The following SNX31 variants were observed in gnomAD, a reference collection of about 807,000 sequenced individuals.
SNX31 encodes sorting nexin-31.
SNX31 carries 58 observed loss-of-function variants against 65.4 expected under a neutral mutation model. That is an observed-to-expected ratio of 0.89 (90% CI 0.72 to 1.10). The LOEUF (loss-of-function observed/expected upper bound fraction) is 1.10. Ranked by LOEUF, SNX31 falls within the 50% of genes least tolerant of loss-of-function variation. The pLI, the probability that SNX31 is intolerant of heterozygous loss-of-function variation, is 0.00. For synonymous variants in SNX31, 181 were observed against 190.1 expected, an observed-to-expected ratio of 0.95 and a Z score of 0.39; for missense variants, 523 against 529.7, an observed-to-expected ratio of 0.99 and a Z score of 0.12.
chr8:100,637,967 A>C (rs1818895152), intron 2 of SNX31, among the ~76,000 whole-genome samples: 1 of 152,202 alleles, frequency 6.6e-6, no homozygotes, highest in African/African-American at 2.4e-5. Context: ...AAGTGCTGGG[A>C]TTACAGGTGT....
At chr8:100,611,934 G>T in intron 7 of SNX31, 66 bp downstream of exon 7, 1 of 1,229,050 alleles carries the variant, frequency 8.1e-7, no homozygotes, top group South Asian at 1.2e-5. Flanking sequence ...ACGGGACTCT[G>T]GTAAGTCCTG....
In SNX31 at chr8:100,578,265, T is replaced by C. The variant is rs1008011925; in HGVS notation, c.1171-1190A>G. The stretch of plus-strand genomic sequence containing the variant: ...TTTGGGGAAAGAGTTCTTAGACTCT[T>C]CTTAATGGGAAAGAAAAGAACTGCT... On this transcript the variant is annotated intron_variant, in intron 12 of 13. Transcript: ENST00000311812. This position sits in a 1 kb window ranked among gnomAD's most constrained non-coding sequence, Gnocchi z 4.7. 6.6e-6 allele frequency among the ~76,000 whole-genome samples: 1 copy of C among 152,190 alleles called. No homozygotes were observed. Among genetic ancestry groups the C allele is most frequent in the African/African-American group, 2.4e-5 (1 of 41,434 alleles).
chr8:100,608,117 T>G (rs1732554364), intron 8 of SNX31, among the ~76,000 whole-genome samples: 2 of 152,246 alleles, frequency 1.3e-5, no homozygotes, highest in Non-Finnish European at 1.5e-5. Context: ...GAATTCCTTT[T>G]CTCTCTCTAA....
intron 5 of SNX31, among the ~76,000 whole-genome samples, chr8:100,616,857 G>C (rs1479614548): frequency 6.6e-6 from 1 of 152,212 alleles, no homozygotes; most frequent in Non-Finnish European, 1.5e-5. Flanking sequence ...TCTGTCCTTT[G>C]AAAGGTCCTA....
At chr8:100,646,100 C>T (rs1191927524) in intron 2 of SNX31, among the ~76,000 whole-genome samples, 1 of 152,130 alleles carries the variant, frequency 6.6e-6, no homozygotes, top group African/African-American at 2.4e-5. Flanking sequence ...TAAACTTCCC[C>T]TTCATCCTCT....
At chr8:100,584,033 T>C (rs1232303911) in intron 12 of SNX31, 78 bp downstream of exon 12, 2 of 1,317,306 alleles carry the variant, frequency 1.5e-6, no homozygotes, top group Non-Finnish European at 2.1e-6. Flanking sequence ...AGGGAGCTCA[T>C]GAGTGTAGTT....
At chr8:100,632,241 A>G (rs1016447087) in intron 3 of SNX31, among the ~76,000 whole-genome samples, 2 of 152,178 alleles carry the variant, frequency 1.3e-5, no homozygotes, top group Admixed American at 6.5e-5. Flanking sequence ...GCGAACCCTC[A>G]AGCACGGTGA....
At chr8:100,587,869 A>G (rs937440400) in intron 11 of SNX31, among the ~76,000 whole-genome samples, 1 of 152,214 alleles carries the variant, frequency 6.6e-6, no homozygotes, top group Admixed American at 6.5e-5. Flanking sequence ...TGATGGGGGT[A>G]TGTTCTGAGA....
chr8:100,581,352 T>TATATATAG (rs1180603892), intron 12 of SNX31, among the ~76,000 whole-genome samples: 3 of 147,562 alleles, frequency 2.0e-5, no homozygotes, highest in African/African-American at 7.5e-5. Flanking sequence ...TATATATATA[T>TATATATAG]ATATAATTTA....
rs531721185 is a variant in SNX31, at chr8:100,587,629, C to T, written c.1092+1237G>A. Among the ~76,000 whole-genome samples the T allele has an allele frequency of 7.2e-5, 11 of 152,208 alleles. 1 individual carries two copies. The Middle Eastern group carries it at 0.017, about 235-fold the overall frequency. On this transcript the variant is annotated intron_variant, in intron 11 of 13. Coordinates refer to ENST00000311812, the MANE Select transcript of SNX31 (RefSeq NM_152628.4). ...CAGAGTCAGGAATGATGGTGATGCCCGACAACCACAGATGGTCCACATGGG... is the reference window on the plus strand; with the variant it reads ...CAGAGTCAGGAATGATGGTGATGCCTGACAACCACAGATGGTCCACATGGG...
intron 12 of SNX31, among the ~76,000 whole-genome samples, chr8:100,579,691 G>GA (rs1813328662): frequency 6.6e-6 from 1 of 152,140 alleles, no homozygotes; most frequent in South Asian, 2.1e-4. Context: ...AGAATGGAGG[G>GA]AAAAATACAT....
At chr8:100,662,597 T>G (rs1307251397) in intron 1 of SNX31, among the ~76,000 whole-genome samples, 1 of 152,184 alleles carries the variant, frequency 6.6e-6, no homozygotes, top group Non-Finnish European at 1.5e-5. Context: ...CCTGGGAGGC[T>G]GAGGCAGGAG....
At position 100,608,492 on chromosome 8, in the gene SNX31, A is replaced by AC; in HGVS notation, c.681+1dup. 6.2e-7 allele frequency: 1 copy of AC among 1,613,908 alleles called. No homozygotes were observed. The highest frequency in any genetic ancestry group is 1.1e-5 in the South Asian group (1 of 91,076). On this transcript the variant is annotated splice_donor_variant, in intron 8 of 13. Transcript: ENST00000311812. LOFTEE classifies it high-confidence loss of function. Reference sequence around the variant, plus strand: ...GCTGTCTGAGCTCTTGGTGACCCTCACCTGCATGTAGAGCAAATCTACCGC... The same window carrying AC: ...GCTGTCTGAGCTCTTGGTGACCCTCACCCTGCATGTAGAGCAAATCTACCGC...
intron 5 of SNX31, among the ~76,000 whole-genome samples, chr8:100,616,234 G>A (rs1231595309): frequency 1.3e-5 from 2 of 152,138 alleles, no homozygotes; most frequent in Non-Finnish European, 2.9e-5. Flanking sequence ...GAAGATAGGA[G>A]ACCCCAAACT....
chr8:100,601,202 C>A (rs932279745), intron 8 of SNX31, among the ~76,000 whole-genome samples: 1 of 152,202 alleles, frequency 6.6e-6, no homozygotes, highest in African/African-American at 2.4e-5. Flanking sequence ...GAACAAAAGT[C>A]AATCCTTACA....
intron 10 of SNX31, among the ~76,000 whole-genome samples, chr8:100,589,497 C>T (rs1489045288): frequency 6.6e-6 from 1 of 152,070 alleles, no homozygotes; most frequent in African/African-American, 2.4e-5. Flanking sequence ...CTAACCCAGG[C>T]TAGGAGGGCA....
At position 100,622,668 on chromosome 8, in the gene SNX31, A is replaced by G. The variant is rs202241745; in HGVS notation, c.322-4938T>C. Among the ~76,000 whole-genome samples, 430 of 102,758 alleles carry G rather than the reference A, an allele frequency of 4.2e-3. No individual in the cohort carries two copies. Among genetic ancestry groups the G allele is most frequent in the African/African-American group, 0.022 (410 of 18,696 alleles). The allele number at this position is 102,758 out of a possible 152,430, so 67.4% of individuals were successfully genotyped here. On this transcript the variant is annotated intron_variant, in intron 4 of 13. Coordinates refer to ENST00000311812, the MANE Select transcript of SNX31 (RefSeq NM_152628.4). This position sits in a 1 kb window ranked among gnomAD's most constrained non-coding sequence, Gnocchi z 5.0. ...TCCCTCTCAAAAAATAAATAAGTAAATAAATAAATAAATAAATAAATAAAT... is the reference window on the plus strand; with the variant it reads ...TCCCTCTCAAAAAATAAATAAGTAAGTAAATAAATAAATAAATAAATAAAT...
At chr8:100,619,605 G>T (rs1470597786) in intron 4 of SNX31, among the ~76,000 whole-genome samples, 1 of 152,246 alleles carries the variant, frequency 6.6e-6, no homozygotes. Flanking sequence ...AGAGAGGCCA[G>T]CGGCTGCCCA....
At chr8:100,590,157 G>T (rs1814434344) in intron 10 of SNX31, among the ~76,000 whole-genome samples, 1 of 152,160 alleles carries the variant, frequency 6.6e-6, no homozygotes, top group South Asian at 2.1e-4. Context: ...CCAACAAAGA[G>T]CCCTAACTCT....
Sources: allele counts gnomAD v4.1 joint callset (sites outside exome capture counted in the v4.1 genomes callset), GRCh38; gene constraint gnomAD v4.1.1; non-coding constraint Gnocchi (gnomAD v3.1); transcripts MANE v1.5; gene names NCBI Gene and HGNC (gene_info 2026-07-23, HGNC 2026-07-21).